The following EPHA6 variants were observed in gnomAD, a reference collection of about 807,000 sequenced individuals.
EPHA6 encodes the protein ephrin type-A receptor 6.
A neutral mutation model predicts 112.0 loss-of-function variants in EPHA6; 50 were observed. The observed-to-expected ratio is 0.45, with a 90% CI of 0.36 to 0.56. EPHA6 has a LOEUF of 0.56. Ranked by LOEUF, EPHA6 falls within the 20% of genes least tolerant of loss-of-function variation. The pLI is 0.00. For missense variants in EPHA6, 1,280 were observed against 1,417.4 expected (o/e 0.90, Z 1.56); for synonymous variants, 529 against 490.7 (o/e 1.08, Z -1.03).
chr3:97,095,767 A>T (rs571759429), intron 3 of EPHA6, among the ~76,000 whole-genome samples: 32 of 131,568 alleles, frequency 2.4e-4, no homozygotes, highest in South Asian at 1.3e-3. Context: ...GTTAAAAAAT[A>T]AAAAAAAAAA....
Position 96,969,366 on chromosome 3 carries a change from T to C in EPHA6, c.451-17964T>C, listed in dbSNP as rs138520730. On this transcript the variant is annotated intron_variant, in intron 2 of 17. Coordinates refer to ENST00000389672, the MANE Select transcript of EPHA6 (RefSeq NM_001080448.3). ...TGCAGATAAACCTCATTTGAAGCCA[T>C]TGGAATGGCCGATGATCGTGGATAT... 3.0e-3 allele frequency among the ~76,000 whole-genome samples: 457 copies of C among 152,048 alleles called. 3 individuals are homozygous for C. Among genetic ancestry groups the C allele is most frequent in the Non-Finnish European group, 4.9e-3 (332 of 67,866 alleles).
At chr3:97,344,347 G>T (rs561197471) in intron 5 of EPHA6, among the ~76,000 whole-genome samples, 1 of 152,228 alleles carries the variant, frequency 6.6e-6, no homozygotes, top group Middle Eastern at 3.4e-3. Flanking sequence ...TAGTAAAATT[G>T]AAGCCTAATC....
Position 97,405,219 on chromosome 3 carries a change from C to G in EPHA6, c.1676C>G (p.Ala559Gly). ...SQNSIALSWQ[A>G]PAFSNGAILD... ...AATAGCATTGCCCTATCATGGCAAG[C>G]ACCTGCTTTTTCCAATGGAGCCATT... Residue 559 changes from alanine (A) to glycine (G), a missense_variant, in exon 6 of 18, where the codon GCA (alanine) becomes GGA (glycine). Physicochemically the swap from Ala to Gly is moderately conservative, Grantham distance 60 (BLOSUM62 0). Coordinates refer to ENST00000389672, the MANE Select transcript of EPHA6 (RefSeq NM_001080448.3). 6.2e-7 allele frequency: 1 copy of G among 1,610,162 alleles called. No homozygotes were observed. The highest frequency in any genetic ancestry group is 8.5e-7 in the Non-Finnish European group (1 of 1,177,998).
At chr3:97,655,166 T>A (rs1225940952) in intron 14 of EPHA6, among the ~76,000 whole-genome samples, 1 of 149,960 alleles carries the variant, frequency 6.7e-6, no homozygotes, top group Non-Finnish European at 1.5e-5. Context: ...TGTGTATGTT[T>A]TGGGGTTTTT....
chr3:97,570,814 A>C (rs992083161), intron 11 of EPHA6, among the ~76,000 whole-genome samples: 2 of 152,044 alleles, frequency 1.3e-5, no homozygotes, highest in Non-Finnish European at 2.9e-5. Context: ...AGTTTTGAAG[A>C]TTTTTAAGAT....
chr3:97,598,982 A>G (rs1282796973), intron 12 of EPHA6, among the ~76,000 whole-genome samples: 3 of 149,458 alleles, frequency 2.0e-5, no homozygotes, highest in African/African-American at 7.5e-5. Context: ...ATGGTATCTC[A>G]TTGTGGTTTT....
chr3:97,237,483 G>T (rs570488058), intron 4 of EPHA6, among the ~76,000 whole-genome samples: 2 of 151,942 alleles, frequency 1.3e-5, no homozygotes, highest in Non-Finnish European at 2.9e-5. Context: ...TTCTGCTGAT[G>T]TTGGAGAATC....
At chr3:96,983,622 C>T (rs1200084966) in intron 2 of EPHA6, among the ~76,000 whole-genome samples, 2 of 152,188 alleles carry the variant, frequency 1.3e-5, no homozygotes, top group Non-Finnish European at 2.9e-5. Context: ...TGGGGAGGTT[C>T]TTCTGGATAA....
chr3:97,467,781 A>G (rs1184489649), intron 7 of EPHA6, among the ~76,000 whole-genome samples: 2 of 151,730 alleles, frequency 1.3e-5, no homozygotes, highest in Non-Finnish European at 3.0e-5. Context: ...AAATGTCTCA[A>G]TCATTTTCTT....
intron 5 of EPHA6, among the ~76,000 whole-genome samples, chr3:97,324,904 C>T (rs2082347401): frequency 6.6e-6 from 1 of 152,054 alleles, no homozygotes; most frequent in Admixed American, 6.6e-5. Context: ...ATGTCTTTTG[C>T]ACATACACAT....
At position 97,071,731 on chromosome 3, in the gene EPHA6, C is replaced by A. The variant is rs1347581584; in HGVS notation, c.1114+83738C>A. On this transcript the variant is annotated intron_variant, in intron 3 of 17. Coordinates refer to ENST00000389672, the MANE Select transcript of EPHA6 (RefSeq NM_001080448.3). ...ACAGCCAAACCATATCACATTATAT[C>A]TTTATTTCCATAGGTTTTGAGGGGA... 2.0e-5 allele frequency among the ~76,000 whole-genome samples: 3 copies of A among 152,034 alleles called. No homozygotes were observed. In the East Asian group the frequency reaches 5.8e-4, roughly 29 times the overall value.
chr3:97,695,795 TC>T (rs1428903929), intron 14 of EPHA6, among the ~76,000 whole-genome samples: 15 of 152,178 alleles, frequency 9.9e-5, no homozygotes, highest in African/African-American at 3.6e-4. Flanking sequence ...TGCTTCGGCC[TC>T]CCAAAGTGCT....
chr3:97,023,956 A>G (rs2044550379), intron 3 of EPHA6, among the ~76,000 whole-genome samples: 1 of 152,176 alleles, frequency 6.6e-6, no homozygotes, highest in Non-Finnish European at 1.5e-5. Context: ...GTCAAGGCTT[A>G]TTCCTCACAG....
At chr3:96,967,191 C>A (rs977770561) in intron 2 of EPHA6, among the ~76,000 whole-genome samples, 14 of 150,836 alleles carry the variant, frequency 9.3e-5, no homozygotes, top group Non-Finnish European at 1.6e-4. Flanking sequence ...TACACACACA[C>A]ACACACACAC....
chr3:97,128,250 C>T (rs1252353747), intron 3 of EPHA6, among the ~76,000 whole-genome samples: 1 of 152,114 alleles, frequency 6.6e-6, no homozygotes, highest in East Asian at 1.9e-4. Flanking sequence ...TTTCTTTATT[C>T]ATCAGTTGAT....
chr3:97,375,533 TC>T (rs1441085840), intron 5 of EPHA6, among the ~76,000 whole-genome samples: 2 of 152,156 alleles, frequency 1.3e-5, no homozygotes. Flanking sequence ...GACAAATTAA[TC>T]AATTTTTTTC....
Position 97,668,911 on chromosome 3 carries a change from C to CAAAAAAAAAA in EPHA6, c.2784+30853_2784+30862dup, listed in dbSNP as rs397990599. On this transcript the variant is annotated intron_variant, in intron 14 of 17. Transcript: ENST00000389672. Reference sequence around the variant, plus strand: ...TGTGTGACAGAGTGAGACTCTGTCTCAAAAAAAAAAAAAAAAAAAAAAAAA... The same window carrying CAAAAAAAAAA: ...TGTGTGACAGAGTGAGACTCTGTCTCAAAAAAAAAAAAAAAAAAAAAAAAAAAAAAAAAAA... Among the ~76,000 whole-genome samples the CAAAAAAAAAA allele has an allele frequency of 1.9e-4, 6 of 31,914 alleles. 1 individual carries two copies. The highest frequency in any genetic ancestry group is 2.1e-4 in the Non-Finnish European group (4 of 18,816). 20.9% of individuals were successfully genotyped at this position (31,914 alleles called of 152,430 possible).
intron 5 of EPHA6, among the ~76,000 whole-genome samples, chr3:97,377,443 ATACAGTAAATTGGTATCAG>A (rs1559936811): frequency 6.6e-6 from 1 of 152,140 alleles, no homozygotes; most frequent in Non-Finnish European, 1.5e-5. Context: ...CACCAGACTA[ATACAGTAAATTGGTATCAG>A]TAGAGTAGGC....
At chr3:97,410,391 C>T (rs1032854807) in intron 6 of EPHA6, among the ~76,000 whole-genome samples, 9 of 151,946 alleles carry the variant, frequency 5.9e-5, no homozygotes, top group Non-Finnish European at 1.3e-4. Flanking sequence ...TTCTCATTTT[C>T]TTTTGTTGTA....
Sources: allele counts gnomAD v4.1 joint callset (sites outside exome capture counted in the v4.1 genomes callset), GRCh38; gene constraint gnomAD v4.1.1; transcripts MANE v1.5; gene names NCBI Gene and HGNC (gene_info 2026-07-23, HGNC 2026-07-21).